IARS1: variants seen among roughly 807,000 people sequenced by gnomAD.
IARS1 encodes isoleucyl-tRNA synthetase 1.
Under a neutral mutation model 168.2 loss-of-function variants are expected in IARS1, and 124 were observed. That is an observed-to-expected ratio of 0.74 (90% CI 0.64 to 0.86). The LOEUF (loss-of-function observed/expected upper bound fraction) is 0.86. Ranked by LOEUF, IARS1 falls within the 40% of genes least tolerant of loss-of-function variation. IARS1 has a pLI of 0.00. For synonymous variants in IARS1, 532 were observed against 529.4 expected, an observed-to-expected ratio of 1.00 and a Z score of -0.07; for missense variants, 1,452 against 1,515.8, an observed-to-expected ratio of 0.96 and a Z score of 0.70.
intron 9 of IARS1, among the ~76,000 whole-genome samples, chr9:92,276,278 A>G (rs1002380550): frequency 1.4e-4 from 21 of 152,240 alleles, no homozygotes; most frequent in Admixed American, 1.1e-3. Flanking sequence ...CTTTTAAGAC[A>G]GTAGGAAAAC....
intron 31 of IARS1, among the ~76,000 whole-genome samples, chr9:92,227,710 A>C (rs1825967633): frequency 6.7e-6 from 1 of 149,904 alleles, no homozygotes; most frequent in Non-Finnish European, 1.5e-5. Context: ...GCAGCAGGGC[A>C]GAGGCGCTCC....
chr9:92,224,728 G>A (rs1564157547), intron 31 of IARS1, among the ~76,000 whole-genome samples: 1 of 152,158 alleles, frequency 6.6e-6, no homozygotes, highest in Admixed American at 6.5e-5. Context: ...AGTTACTTTG[G>A]AGGCTGAGGT....
At chr9:92,259,080 G>T in intron 18 of IARS1, 82 bp from the exon 19 acceptor site, 1 of 1,241,646 alleles carries the variant, frequency 8.1e-7, no homozygotes, top group Non-Finnish European at 1.1e-6. Flanking sequence ...GAGAGAGCAA[G>T]ATGAAAATCA....
intron 33 of IARS1, among the ~76,000 whole-genome samples, chr9:92,215,192 C>T (rs142602914): frequency 6.6e-6 from 1 of 152,182 alleles, no homozygotes; most frequent in Non-Finnish European, 1.5e-5. Flanking sequence ...GGTATTCCAA[C>T]AGACTTGCAG....
intron 33 of IARS1, among the ~76,000 whole-genome samples, chr9:92,214,786 C>G (rs530398454): frequency 6.6e-6 from 1 of 152,232 alleles, no homozygotes; most frequent in Non-Finnish European, 1.5e-5. Context: ...CACGGAGTCT[C>G]GCTGATTGCT....
intron 17 of IARS1, among the ~76,000 whole-genome samples, chr9:92,261,482 G>A (rs1442325280): frequency 6.6e-6 from 1 of 152,164 alleles, no homozygotes; most frequent in Non-Finnish European, 1.5e-5. Flanking sequence ...GGGAGCCTTT[G>A]ATGTTGAATT....
At chr9:92,233,715 T>G (rs1490981181) in intron 30 of IARS1, among the ~76,000 whole-genome samples, 1 of 152,178 alleles carries the variant, frequency 6.6e-6, no homozygotes, top group Non-Finnish European at 1.5e-5. Context: ...TTCATCACTA[T>G]TTTGAAGTTT....
chr9:92,248,327 C>T (rs1829517558), intron 25 of IARS1, among the ~76,000 whole-genome samples: 1 of 152,004 alleles, frequency 6.6e-6, no homozygotes, highest in Admixed American at 6.6e-5. Context: ...TTTAGTTTTG[C>T]CATTATATTT....
chr9:92,265,227 A>G, intron 15 of IARS1, 104 bp from the exon 16 acceptor site: 1 of 1,020,092 alleles, frequency 9.8e-7, no homozygotes, highest in Non-Finnish European at 1.4e-6. Flanking sequence ...TATTATACAC[A>G]TTTGCAAACA....
intron 9 of IARS1, among the ~76,000 whole-genome samples, chr9:92,275,751 T>C (rs897096263): frequency 3.9e-5 from 6 of 152,364 alleles, no homozygotes; most frequent in East Asian, 3.9e-4. Context: ...TGCTGCTCCA[T>C]AGGCAGTGTC....
intron 33 of IARS1, 121 bp downstream of exon 33, chr9:92,222,399 G>A: frequency 1.7e-6 from 1 of 587,798 alleles, no homozygotes; most frequent in Non-Finnish European, 2.7e-6. Flanking sequence ...AATTTCTGGG[G>A]AAAGAATAAC....
intron 1 of IARS1, among the ~76,000 whole-genome samples, chr9:92,292,181 C>CTTTTTTTTTTTTTTTT (rs57075703): frequency 1.7e-5 from 2 of 118,024 alleles, no homozygotes; most frequent in African/African-American, 6.3e-5. Context: ...CCACACTCAG[C>CTTTTTTTTTTTTTTTT]TTTTTTTTTT....
At chr9:92,214,694 G>A (rs1036031953) in intron 33 of IARS1, among the ~76,000 whole-genome samples, 6 of 152,166 alleles carry the variant, frequency 3.9e-5, no homozygotes, top group East Asian at 1.9e-4. Context: ...ACTCCCACCC[G>A]AATACTGCGC....
In IARS1 at chr9:92,222,673, C is replaced by G. The variant is rs755358633; in HGVS notation, c.3554-1G>C. On this transcript the variant is annotated splice_acceptor_variant, in intron 32 of 33. Transcript: ENST00000443024. LOFTEE classifies it high-confidence loss of function. The stretch of plus-strand genomic sequence containing the variant: ...GTGCCCACTGTCCCCATTAAACACT[C>G]TGTGGAAGACAGAACAAACTGGATT... The G allele has an allele frequency of 6.2e-7, 1 of 1,613,582 alleles. No individual in the cohort carries two copies.
At position 92,210,785 on chromosome 9, in the gene IARS1, G is replaced by A. The variant is rs374104056; in HGVS notation, c.*22C>T. ...AGGTGTAATTAGGGAAGGGCTGACC[G>A]AACAACATTGATAAGTACATGCTAG... On this transcript the variant is annotated 3_prime_UTR_variant, in exon 34 of 34. Coordinates refer to ENST00000443024, the MANE Select transcript of IARS1 (RefSeq NM_002161.6). The A allele has an allele frequency of 7.2e-4, 1,077 of 1,494,934 alleles. 2 individuals carry two copies. The highest frequency in any genetic ancestry group is 9.1e-4 in the Non-Finnish European group (972 of 1,072,316). 92.6% of individuals were successfully genotyped at this position (1,494,934 alleles called of 1,614,324 possible).
chr9:92,245,924 A>G (rs1587779744), intron 26 of IARS1, among the ~76,000 whole-genome samples: 1 of 151,726 alleles, frequency 6.6e-6, no homozygotes, highest in African/African-American at 2.4e-5. Flanking sequence ...CTGCCACCAC[A>G]CCTGGCTAAT....
rs781217388 is a variant in IARS1 at position 92,222,559 on chromosome 9, T to G, written c.3667A>C (p.Arg1223=). Residue 1223 remains arginine (R), a synonymous_variant, in exon 33 of 34, where the codon AGG becomes CGG. Transcript: ENST00000443024. ...EAAKVFGLRS[R]KLKLFLNETQ... The stretch of plus-strand genomic sequence containing the variant: ...TCATTCAGAAACAGCTTTAGCTTCC[T>G]GCTCCGAAGGCCAAACACCTTGGCT... The G allele has an allele frequency of 1.3e-5, 21 of 1,614,048 alleles. No homozygotes were observed. In the East Asian group the frequency reaches 4.2e-4, roughly 33 times the overall value.
chr9:92,214,737 G>A (rs1564152077), intron 33 of IARS1, among the ~76,000 whole-genome samples: 1 of 152,234 alleles, frequency 6.6e-6, no homozygotes. Context: ...GGCGCACCAC[G>A]AGATTATACC....
intron 30 of IARS1, among the ~76,000 whole-genome samples, chr9:92,231,425 T>C (rs191887262): frequency 0.024 from 3,558 of 151,400 alleles, 88 homozygotes; most frequent in South Asian, 0.12. Flanking sequence ...TTTTTTTTTT[T>C]TTTTTGAGAC....
Sources: gnomAD v4.1 joint callset for allele counts (sites outside exome capture counted in the v4.1 genomes callset) on GRCh38, gnomAD v4.1.1 for gene constraint, MANE v1.5 for transcripts, NCBI Gene and HGNC (gene_info 2026-07-23, HGNC 2026-07-21) for gene names.